Variants in AFG1L observed in about 807,000 individuals in gnomAD.
The protein encoded by AFG1L is AFG1 like ATPase, also known as AFG1-like ATPase.
Under a neutral mutation model 62.2 loss-of-function variants are expected in AFG1L, and 53 were observed. The ratio of observed to expected loss-of-function variants is 0.85; its 90% confidence interval spans 0.68 to 1.07. The LOEUF (loss-of-function observed/expected upper bound fraction) is 1.07, where lower values mean the gene tolerates loss of function less well. Among genes scored for constraint, AFG1L ranks in the 50% least tolerant of loss-of-function variants. The pLI is 0.00. For missense variants in AFG1L, 555 were observed against 590.5 expected (o/e 0.94, Z 0.62); for synonymous variants, 228 against 210.3 (o/e 1.08, Z -0.73).
At chr6:108,312,766 G>GT (rs994169653) in intron 1 of AFG1L, among the ~76,000 whole-genome samples, 1,958 of 148,282 alleles carry the variant, frequency 0.013, 27 homozygotes, top group African/African-American at 0.045. Context: ...TTCCCCTTAT[G>GT]TTTTTTTTTT....
chr6:108,339,248 C>T (rs1252797810), intron 2 of AFG1L, among the ~76,000 whole-genome samples: 1 of 150,124 alleles, frequency 6.7e-6, no homozygotes, highest in Non-Finnish European at 1.5e-5. Context: ...CCAAATGATT[C>T]TTGTGCCTCA....
intron 6 of AFG1L, among the ~76,000 whole-genome samples, chr6:108,386,457 A>G (rs1228853304): frequency 6.6e-6 from 1 of 151,780 alleles, no homozygotes; most frequent in Non-Finnish European, 1.5e-5. Flanking sequence ...GCAAAACTCC[A>G]TCTCAAAAAA....
chr6:108,409,145 A>C (rs1362368434), intron 7 of AFG1L, among the ~76,000 whole-genome samples: 1 of 152,238 alleles, frequency 6.6e-6, no homozygotes, highest in African/African-American at 2.4e-5. Context: ...ATCAAAAAAT[A>C]CTGGAAAGAA....
intron 7 of AFG1L, among the ~76,000 whole-genome samples, chr6:108,439,466 T>G (rs1276524674): frequency 1.3e-5 from 2 of 152,124 alleles, no homozygotes; most frequent in Non-Finnish European, 2.9e-5. Flanking sequence ...TGATCTTCCA[T>G]GTAGATGGAA....
intron 2 of AFG1L, among the ~76,000 whole-genome samples, chr6:108,346,478 A>G (rs888367923): frequency 1.4e-4 from 22 of 151,890 alleles, no homozygotes; most frequent in African/African-American, 5.1e-4. Flanking sequence ...CAATCCTTCA[A>G]CTTCAGCCCC....
intron 10 of AFG1L, among the ~76,000 whole-genome samples, chr6:108,498,743 G>A (rs1296531065): frequency 6.6e-6 from 1 of 152,286 alleles, no homozygotes; most frequent in South Asian, 2.1e-4. Context: ...GGGAGGCTGA[G>A]GCAGGCAGAT....
intron 10 of AFG1L, among the ~76,000 whole-genome samples, chr6:108,485,065 AG>A (rs1773486971): frequency 6.6e-6 from 1 of 152,212 alleles, no homozygotes; most frequent in Admixed American, 6.5e-5. Flanking sequence ...GAAGGATTAA[AG>A]GAATGAAGAG....
At chr6:108,320,484 T>A in intron 1 of AFG1L, among the ~76,000 whole-genome samples, 1 of 152,180 alleles carries the variant, frequency 6.6e-6, no homozygotes, top group East Asian at 1.9e-4. Flanking sequence ...CTGTTCCCCC[T>A]TATCTGAGGT....
intron 2 of AFG1L, among the ~76,000 whole-genome samples, chr6:108,342,734 A>T (rs901406941): frequency 2.6e-5 from 4 of 152,176 alleles, no homozygotes; most frequent in African/African-American, 9.7e-5. Flanking sequence ...AAATACGTGG[A>T]GTATATAATA....
At chr6:108,424,174 C>T (rs907207918) in intron 7 of AFG1L, among the ~76,000 whole-genome samples, 5 of 152,044 alleles carry the variant, frequency 3.3e-5, no homozygotes, top group Non-Finnish European at 4.4e-5. Context: ...ACTGACTTTG[C>T]TCTGTCACTG....
chr6:108,444,186 C>T (rs1771670274), intron 7 of AFG1L, among the ~76,000 whole-genome samples: 1 of 152,004 alleles, frequency 6.6e-6, no homozygotes, highest in Non-Finnish European at 1.5e-5. Context: ...AAATGAGTTG[C>T]AGGAAGCTTT....
chr6:108,438,859 A>T (rs1309787769), intron 7 of AFG1L, among the ~76,000 whole-genome samples: 1 of 151,722 alleles, frequency 6.6e-6, no homozygotes, highest in Non-Finnish European at 1.5e-5. Flanking sequence ...GGGAAAGAGG[A>T]GTGGGGAGAT....
intron 6 of AFG1L, among the ~76,000 whole-genome samples, chr6:108,393,056 T>C (rs952843032): frequency 6.6e-6 from 1 of 152,116 alleles, no homozygotes; most frequent in African/African-American, 2.4e-5. Flanking sequence ...ATACCATTTT[T>C]TACAAAATGA....
At chr6:108,397,555 C>T (rs1435764957) in intron 6 of AFG1L, among the ~76,000 whole-genome samples, 4 of 152,200 alleles carry the variant, frequency 2.6e-5, no homozygotes, top group Admixed American at 2.6e-4. Context: ...TGACGCTCCG[C>T]CTTTTTTATT....
At chr6:108,436,888 G>A (rs1266627409) in intron 7 of AFG1L, among the ~76,000 whole-genome samples, 1 of 152,184 alleles carries the variant, frequency 6.6e-6, no homozygotes, top group Non-Finnish European at 1.5e-5. Context: ...CTGGCACATG[G>A]TAAGCCCTTA....
intron 10 of AFG1L, among the ~76,000 whole-genome samples, chr6:108,502,293 C>T (rs1030092895): frequency 6.6e-6 from 1 of 151,880 alleles, no homozygotes; most frequent in African/African-American, 2.4e-5. Context: ...GTAACCTCTG[C>T]CTCCTGGGTT....
chr6:108,446,125 T>C (rs11153115), intron 7 of AFG1L, among the ~76,000 whole-genome samples: 3 of 150,234 alleles, frequency 2.0e-5, no homozygotes, highest in Non-Finnish European at 4.4e-5. Context: ...TTCCTCTCAT[T>C]GCCCCCAAAA....
At chr6:108,434,487 GCT>G (rs1771219357) in intron 7 of AFG1L, among the ~76,000 whole-genome samples, 1 of 152,136 alleles carries the variant, frequency 6.6e-6, no homozygotes, top group African/African-American at 2.4e-5. Flanking sequence ...AAGCAATCAA[GCT>G]CTGTTGATCT....
Position 108,324,066 on chromosome 6 carries a change from T to C in AFG1L, c.363+18T>C. ...TTTCAAAGGTGAGGCTTGTGTGATA[T>C]GAAAGATTAAACAGTTAAAAGTGTA... On this transcript the variant is annotated intron_variant, in intron 2 of 12. Coordinates refer to ENST00000368977, the MANE Select transcript of AFG1L (RefSeq NM_145315.5). 1 of 1,555,960 alleles carries C rather than the reference T, an allele frequency of 6.4e-7. No homozygotes were observed. Among genetic ancestry groups the C allele is most frequent in the Non-Finnish European group, 8.8e-7 (1 of 1,131,452 alleles).
Sources: allele counts gnomAD v4.1 joint callset (sites outside exome capture counted in the v4.1 genomes callset), GRCh38; gene constraint gnomAD v4.1.1; transcripts MANE v1.5; gene names NCBI Gene and HGNC (gene_info 2026-07-23, HGNC 2026-07-21).